The following CTNND2 variants were observed in gnomAD, a reference collection of about 807,000 sequenced individuals.
CTNND2 encodes catenin delta 2.
Under a neutral mutation model 144.4 loss-of-function variants are expected in CTNND2, and 22 were observed. That is an observed-to-expected ratio of 0.15 (90% CI 0.11 to 0.22). The LOEUF is 0.22. Ranked by LOEUF, CTNND2 falls within the 10% of genes least tolerant of loss-of-function variation. The pLI is 1.00. For missense variants in CTNND2, 1,353 were observed against 1,618.8 expected, an observed-to-expected ratio of 0.84 and a Z score of 2.82; for synonymous variants, 751 against 695.6, an observed-to-expected ratio of 1.08 and a Z score of -1.25.
intron 16 of CTNND2, among the ~76,000 whole-genome samples, chr5:11,071,132 C>T (rs1478665808): frequency 2.0e-5 from 3 of 152,128 alleles, no homozygotes; most frequent in Non-Finnish European, 2.9e-5. Context: ...AACAAAGGTA[C>T]GTGAATATGC....
At chr5:11,740,726 A>C (rs1183281736) in intron 1 of CTNND2, among the ~76,000 whole-genome samples, 1 of 152,220 alleles carries the variant, frequency 6.6e-6, no homozygotes, top group Non-Finnish European at 1.5e-5. Context: ...TGCATAGCAA[A>C]AGAAACTATC....
intron 10 of CTNND2, among the ~76,000 whole-genome samples, chr5:11,206,781 G>T (rs1362561328): frequency 6.6e-6 from 1 of 152,140 alleles, no homozygotes; most frequent in East Asian, 1.9e-4. Flanking sequence ...TTGAATAACT[G>T]CTTTCCCTGA....
chr5:11,795,202 G>A (rs1021640888), intron 1 of CTNND2, among the ~76,000 whole-genome samples: 2 of 152,116 alleles, frequency 1.3e-5, no homozygotes, highest in Admixed American at 6.5e-5. Flanking sequence ...CACAGGGTGC[G>A]GCAGTAGCTA....
At chr5:11,675,136 G>A (rs1466580350) in intron 2 of CTNND2, among the ~76,000 whole-genome samples, 1 of 152,072 alleles carries the variant, frequency 6.6e-6, no homozygotes, top group African/African-American at 2.4e-5. Flanking sequence ...GAAACGGACG[G>A]AACTGAAGAA....
At chr5:11,096,789 AAGAGAGAGAGAGAC>A (rs1361945595) in intron 15 of CTNND2, among the ~76,000 whole-genome samples, 7 of 148,494 alleles carry the variant, frequency 4.7e-5, no homozygotes, top group African/African-American at 7.3e-5. Context: ...GGGAGGGAGG[AAGAGAGAGAGAGAC>A]AGAGAGAGAG....
chr5:11,279,621 C>T (rs1000547916), intron 9 of CTNND2, among the ~76,000 whole-genome samples: 17 of 152,128 alleles, frequency 1.1e-4, no homozygotes, highest in Non-Finnish European at 2.4e-4. Flanking sequence ...TTAGATTAGA[C>T]GATTCATCCA....
At position 11,737,037 on chromosome 5, in the gene CTNND2, T is replaced by C. The variant is rs149867856; in HGVS notation, c.38-4765A>G. 9.2e-5 allele frequency among the ~76,000 whole-genome samples: 14 copies of C among 152,312 alleles called. No homozygotes were observed. In the East Asian group the frequency reaches 2.5e-3, roughly 27 times the overall value. ...GAAAGTTATCTACCTGTCTTTTATATGTGATTTTTACCCCATTTTTACATC... is the reference window on the plus strand; with the variant it reads ...GAAAGTTATCTACCTGTCTTTTATACGTGATTTTTACCCCATTTTTACATC... On this transcript the variant is annotated intron_variant, in intron 1 of 21. Coordinates refer to ENST00000304623, the MANE Select transcript of CTNND2 (RefSeq NM_001332.4).
At chr5:11,166,078 T>C (rs1219300542) in intron 11 of CTNND2, among the ~76,000 whole-genome samples, 1 of 152,158 alleles carries the variant, frequency 6.6e-6, no homozygotes, top group East Asian at 1.9e-4. Flanking sequence ...TCATTCATTT[T>C]AAATAAATGT....
intron 16 of CTNND2, among the ~76,000 whole-genome samples, chr5:11,068,787 G>A (rs981821408): frequency 2.0e-5 from 3 of 152,146 alleles, no homozygotes; most frequent in East Asian, 1.9e-4. Flanking sequence ...CGTGGTGGCG[G>A]GCGCCTGTAG....
At chr5:11,392,393 G>A (rs1759712851) in intron 6 of CTNND2, among the ~76,000 whole-genome samples, 1 of 152,174 alleles carries the variant, frequency 6.6e-6, no homozygotes, top group African/African-American at 2.4e-5. Context: ...TGAAGAATAC[G>A]TAAGGAGAGA....
At chr5:11,714,090 A>T (rs909413100) in intron 2 of CTNND2, among the ~76,000 whole-genome samples, 1 of 152,174 alleles carries the variant, frequency 6.6e-6, no homozygotes, top group Admixed American at 6.5e-5. Context: ...GTGATGGCTT[A>T]ATTTATTTTT....
chr5:11,325,412 T>C (rs561702280), intron 9 of CTNND2, among the ~76,000 whole-genome samples: 2 of 152,096 alleles, frequency 1.3e-5, no homozygotes, highest in South Asian at 4.2e-4. Flanking sequence ...AAGACATATA[T>C]AATTATAATA....
At chr5:11,850,084 AC>A (rs1195222716) in intron 1 of CTNND2, among the ~76,000 whole-genome samples, 3 of 152,200 alleles carry the variant, frequency 2.0e-5, no homozygotes, top group African/African-American at 7.2e-5. Context: ...TAATAAAAAA[AC>A]AGAATAATAA....
At chr5:11,596,574 C>T (rs1779512585) in intron 2 of CTNND2, among the ~76,000 whole-genome samples, 1 of 152,200 alleles carries the variant, frequency 6.6e-6, no homozygotes, top group African/African-American at 2.4e-5. Context: ...GAAGATATAT[C>T]ACATTTCAAT....
chr5:11,638,855 T>G (rs975621348), intron 2 of CTNND2, among the ~76,000 whole-genome samples: 1 of 152,178 alleles, frequency 6.6e-6, no homozygotes, highest in Admixed American at 6.6e-5. Flanking sequence ...ATTATAGGCA[T>G]GAGCCACTGC....
chr5:11,414,027 C>A (rs926518353), intron 3 of CTNND2, among the ~76,000 whole-genome samples: 1 of 152,114 alleles, frequency 6.6e-6, no homozygotes, highest in Non-Finnish European at 1.5e-5. Flanking sequence ...ATGAGGTCAT[C>A]CTGGATCATC....
At chr5:11,680,809 T>C (rs1784391830) in intron 2 of CTNND2, among the ~76,000 whole-genome samples, 1 of 152,062 alleles carries the variant, frequency 6.6e-6, no homozygotes, top group East Asian at 1.9e-4. Flanking sequence ...AACAGGCTTG[T>C]TCATCACCAG....
intron 2 of CTNND2, among the ~76,000 whole-genome samples, chr5:11,587,233 T>C (rs1778932932): frequency 6.6e-6 from 1 of 152,122 alleles, no homozygotes; most frequent in Non-Finnish European, 1.5e-5. Flanking sequence ...TGGAAAACAC[T>C]TCCAAAGGTC....
chr5:11,556,946 T>C (rs1262971037), intron 3 of CTNND2, among the ~76,000 whole-genome samples: 1 of 152,172 alleles, frequency 6.6e-6, no homozygotes, highest in Non-Finnish European at 1.5e-5. Flanking sequence ...TATTCTATAG[T>C]AAACCATCAC....
Sources: allele counts gnomAD v4.1 joint callset (sites outside exome capture counted in the v4.1 genomes callset), GRCh38; gene constraint gnomAD v4.1.1; transcripts MANE v1.5; gene names NCBI Gene and HGNC (gene_info 2026-07-23, HGNC 2026-07-21).